Variants in KDM5D observed in about 807,000 individuals in gnomAD.
KDM5D encodes the protein lysine demethylase 5D.
In KDM5D, 25 loss-of-function variants were observed where a neutral mutation model predicts 31.9. The observed-to-expected ratio is 0.78, with a 90% CI of 0.57 to 1.09. The LOEUF (loss-of-function observed/expected upper bound fraction) is 1.09, where lower values mean the gene tolerates loss of function less well. Ranked by LOEUF, KDM5D falls within the 50% of genes least tolerant of loss-of-function variation. The pLI is 0.00. For synonymous variants in KDM5D, 146 were observed against 122.3 expected (o/e 1.19, Z -1.28); for missense variants, 366 against 341.6 (o/e 1.07, Z -0.56).
intron 11 of KDM5D, among the ~76,000 whole-genome samples, chrY:19,724,473 T>C (rs2045415160): frequency 3.0e-5 from 1 of 33,621 alleles, no homozygotes; most frequent in Admixed American, 2.7e-4. Context: ...ACCACATGAT[T>C]ATCTCAATAG....
intron 11 of KDM5D, among the ~76,000 whole-genome samples, chrY:19,726,707 TA>T (rs2045437216): frequency 3.0e-5 from 1 of 32,981 alleles, no homozygotes; most frequent in African/African-American, 1.2e-4. Flanking sequence ...AATGTATAAT[TA>T]AAAAATAAAT....
intron 13 of KDM5D, among the ~76,000 whole-genome samples, chrY:19,718,174 A>G: frequency 2.9e-5 from 1 of 34,435 alleles, no homozygotes; most frequent in Non-Finnish European, 7.2e-5. Context: ...AAGTTGAAAC[A>G]GAGAACTACC....
At position 19,716,493 on chromosome Y, in the gene KDM5D, T is replaced by G; in HGVS notation, c.1837-20A>C. 3 of 395,065 alleles carry G rather than the reference T, an allele frequency of 7.6e-6. No individual in the cohort carries two copies. The highest frequency in any genetic ancestry group is 1.1e-5 in the Non-Finnish European group (3 of 279,970). Reference sequence around the variant, plus strand: ...AGGTAGCTGCAAGTGCGTTCAAGATTGTGTGTGGCTATCTGGAGACCACAA... The same window carrying G: ...AGGTAGCTGCAAGTGCGTTCAAGATGGTGTGTGGCTATCTGGAGACCACAA... On this transcript the variant is annotated intron_variant, in intron 14 of 26. Coordinates refer to ENST00000317961, the MANE Select transcript of KDM5D (RefSeq NM_004653.5).
chrY:19,744,522 AC>A lies in KDM5D; in HGVS notation c.12del (p.Cys5ValfsTer30). On this transcript the variant is annotated frameshift_variant, in exon 2 of 27. Coordinates refer to ENST00000317961, the MANE Select transcript of KDM5D (RefSeq NM_004653.5). LOFTEE classifies it high-confidence loss of function. MEP[G>X]CDEFLPPPEC... ...TCCGGTGGCGGCAGGAACTCGTCAC[AC>A]CCCGGTTCCATGTCGGGCCTTAATG... is the stretch of plus-strand genomic sequence containing the variant. The A allele has an allele frequency of 2.5e-6, 1 of 395,296 alleles. No individual in the cohort carries two copies. Among genetic ancestry groups the A allele is most frequent in the Non-Finnish European group, 3.6e-6 (1 of 281,225 alleles).
chrY:19,730,791 T>C (rs545096410), intron 11 of KDM5D, among the ~76,000 whole-genome samples: 21 of 33,541 alleles, frequency 6.3e-4, no homozygotes, highest in African/African-American at 2.1e-3. Context: ...TGCGACACTA[T>C]TGTACTGAAT....
intron 6 of KDM5D, among the ~76,000 whole-genome samples, chrY:19,736,477 T>A (rs2045512590): frequency 3.1e-5 from 1 of 32,696 alleles, no homozygotes; most frequent in Non-Finnish European, 7.5e-5. Context: ...GCTTTTTTTT[T>A]ATTCCCACGG....
intron 11 of KDM5D, among the ~76,000 whole-genome samples, chrY:19,730,519 A>G: frequency 3.0e-5 from 1 of 33,654 alleles, no homozygotes; most frequent in Non-Finnish European, 7.4e-5. Flanking sequence ...AATGGAGGCT[A>G]TAGGTGATTG....
intron 24 of KDM5D, 86 bp downstream of exon 24, chrY:19,707,061 G>A: frequency 3.0e-6 from 1 of 333,755 alleles, no homozygotes; most frequent in South Asian, 3.5e-5. Flanking sequence ...TTGAAAACTG[G>A]GGAACAGGGA....
Position 19,706,646 on chromosome Y carries a change from C to A in KDM5D, c.4070-6G>T, listed in dbSNP as rs759418453. On this transcript the variant is annotated splice_polypyrimidine_tract_variant and splice_region_variant and intron_variant, in intron 25 of 26. Transcript: ENST00000317961. ...TGAGGACAGTAGCTCCAGGTCTGGG[C>A]GGAAGGTGGTGCGGTGAAAGGTGCA... The A allele has an allele frequency of 2.5e-6, 1 of 397,636 alleles. No individual in the cohort carries two copies. Among genetic ancestry groups the A allele is most frequent in the Non-Finnish European group, 3.5e-6 (1 of 282,716 alleles).
chrY:19,729,970 CTG>C (rs2045461498), intron 11 of KDM5D, among the ~76,000 whole-genome samples: 1 of 33,413 alleles, frequency 3.0e-5, no homozygotes, highest in Non-Finnish European at 7.4e-5. Context: ...AACCTAGAAA[CTG>C]TTGTTTCAGG....
At position 19,715,341 on chromosome Y, in the gene KDM5D, C is replaced by T; in HGVS notation, c.2486+11G>A. On this transcript the variant is annotated intron_variant, in intron 18 of 26. Transcript: ENST00000317961. ...CACTGACACCCTTCTTTGCCTTCTC[C>T]TCTCACGTACCTGGCCACCTGACCA... 2.5e-6 allele frequency: 1 copy of T among 397,053 alleles called. No individual in the cohort carries two copies. The highest frequency in any genetic ancestry group is 3.5e-6 in the Non-Finnish European group (1 of 282,234).
chrY:19,736,459 T>C (rs2045512299), intron 6 of KDM5D, among the ~76,000 whole-genome samples: 1 of 32,769 alleles, frequency 3.1e-5, no homozygotes, highest in Non-Finnish European at 7.5e-5. Flanking sequence ...CACAGTAACA[T>C]ATTTTATGCT....
intron 13 of KDM5D, among the ~76,000 whole-genome samples, chrY:19,720,378 T>C: frequency 3.0e-5 from 1 of 33,257 alleles, no homozygotes; most frequent in African/African-American, 1.2e-4. Context: ...TATAAAGCGG[T>C]TAACTCAAAG....
At chrY:19,716,806 G>A in intron 13 of KDM5D, 91 bp from the exon 14 acceptor site, 1 of 252,619 alleles carries the variant, frequency 4.0e-6, no homozygotes, top group Non-Finnish European at 6.3e-6. Flanking sequence ...TGTAACAGAT[G>A]TAGGAAGAGT....
At chrY:19,720,829 C>T (rs755443671) in intron 13 of KDM5D, 43 bp downstream of exon 13, 2 of 356,888 alleles carry the variant, frequency 5.6e-6, no homozygotes, top group Non-Finnish European at 8.1e-6. Flanking sequence ...CCCTTCTCAC[C>T]CCAGGGAAGA....
Position 19,704,352 on chromosome Y carries a change from C to T in KDM5D, c.*1643G>A. On this transcript the variant is annotated 3_prime_UTR_variant, in exon 27 of 27. Transcript: ENST00000317961. ...ATGGAAGAGGAGAAAAAAGAAATTT[C>T]GAAGACAATTCTCAGATTTAGATAA... 1 of 33,378 alleles carries T rather than the reference C, an allele frequency of 3.0e-5. No individual in the cohort carries two copies. The highest frequency in any genetic ancestry group is 7.4e-5 in the Non-Finnish European group (1 of 13,524). The allele number at this position is 33,378 out of a possible 400,897, so 8.3% of individuals were successfully genotyped here.
chrY:19,743,219 T>C lies in KDM5D; in HGVS notation c.171A>G (p.Ala57=). The part of the protein sequence containing the change: ...RPPADWQPPF[A]VEVDNFRFTP... ...TAAATCTGAAATTGTCAACTTCTAC[T>C]GCAAAAGGAGGCTGCCAATCCTAGA... is the stretch of plus-strand genomic sequence containing the variant. The change falls in exon 3 of 27, where the codon GCA becomes GCG. Residue 57 remains alanine, a synonymous_variant. Coordinates refer to ENST00000317961, the MANE Select transcript of KDM5D (RefSeq NM_004653.5). The C allele has an allele frequency of 2.6e-6, 1 of 389,715 alleles. No homozygotes were observed. Among genetic ancestry groups the C allele is most frequent in the Non-Finnish European group, 3.6e-6 (1 of 276,464 alleles).
Position 19,721,148 on chromosome Y carries a change from G to C in KDM5D, c.1535C>G (p.Ser512Cys). The change falls in exon 12 of 27, where the codon TCT (serine) becomes TGT (cysteine). Residue 512 changes from serine (S) to cysteine (C), a missense_variant. Physicochemically the swap from Ser to Cys is moderately radical, Grantham distance 112. Transcript: ENST00000317961. ...TGCTCACCAATGCAGATAGTTAATA[G>C]AGTAACTCCAGTGATCCTCAATATG... Reference protein sequence around the residue: ...CWHIEDHWSYSINYLHWGEPK... With the variant: ...CWHIEDHWSYCINYLHWGEPK... 2.5e-6 allele frequency: 1 copy of C among 398,539 alleles called. No individual in the cohort carries two copies. Among genetic ancestry groups the C allele is most frequent in the Non-Finnish European group, 3.5e-6 (1 of 283,257 alleles).
At position 19,707,600 on chromosome Y, in the gene KDM5D, A is replaced by T; in HGVS notation, c.3546T>A (p.Ala1182=). The T allele has an allele frequency of 2.5e-6, 1 of 396,717 alleles. No homozygotes were observed. Residue 1182 remains alanine (A), a synonymous_variant, in exon 24 of 27, where the codon GCT becomes GCA. Coordinates refer to ENST00000317961, the MANE Select transcript of KDM5D (RefSeq NM_004653.5). The stretch of plus-strand genomic sequence containing the variant: ...GGTCACACTGCAGAACTCCCACCCC[A>T]GCTGGCACCTGCCCACACACACAGA... ...TSICVCGQVP[A]GVGVLQCDLC... is the part of the protein sequence containing the mutation.
Sources: allele counts gnomAD v4.1 joint callset (sites outside exome capture counted in the v4.1 genomes callset), GRCh38; gene constraint gnomAD v4.1.1; transcripts MANE v1.5; gene names NCBI Gene and HGNC (gene_info 2026-07-23, HGNC 2026-07-21).